The following SEH1L variants were observed in gnomAD, a reference collection of about 807,000 sequenced individuals.
The protein encoded by SEH1L is nucleoporin SEH1.
In SEH1L, 18 loss-of-function variants were observed where a neutral mutation model predicts 49.5. That is an observed-to-expected ratio of 0.36 (90% CI 0.25 to 0.54). The LOEUF (loss-of-function observed/expected upper bound fraction) is 0.54. Ranked by LOEUF, SEH1L falls within the 20% of genes least tolerant of loss-of-function variation. The probability of loss-of-function intolerance (pLI) is 0.87; values close to 1 mark genes in which losing one functional copy is unlikely to be tolerated. For synonymous variants in SEH1L, 169 were observed against 178.1 expected (o/e 0.95, Z 0.41); for missense variants, 404 against 528.8 (o/e 0.76, Z 2.31).
In SEH1L at chr18:12,986,771, C is replaced by T. The variant is rs1423017588; in HGVS notation, c.1071-91C>T. On this transcript the variant is annotated intron_variant, in intron 8 of 8. Transcript: ENST00000399892. The stretch of plus-strand genomic sequence containing the variant: ...CATGTGTTTTCTCCTCTTTGGTTCT[C>T]TTTGTATTTACTACTTTTCTCTTTT... 7.7e-5 allele frequency: 91 copies of T among 1,187,724 alleles called. No individual in the cohort carries two copies. In the African/African-American group the frequency reaches 1.3e-3, roughly 17 times the overall value. 73.6% of individuals were successfully genotyped at this position (1,187,724 alleles called of 1,614,324 possible). A position where few individuals can be genotyped will look rare whatever the true frequency, so the allele number is the denominator to read the frequency against.
At chr18:12,974,911 T>C (rs1237097447) in intron 5 of SEH1L, among the ~76,000 whole-genome samples, 1 of 152,244 alleles carries the variant, frequency 6.6e-6, no homozygotes, top group African/African-American at 2.4e-5. Context: ...GTTCATTCTC[T>C]TTATTTACAC....
chr18:12,949,676 A>G (rs1211196481), intron 1 of SEH1L, among the ~76,000 whole-genome samples: 3 of 151,932 alleles, frequency 2.0e-5, no homozygotes, highest in Admixed American at 6.6e-5. Flanking sequence ...GATGGTCTCT[A>G]TCTCCTGACC....
intron 4 of SEH1L, among the ~76,000 whole-genome samples, chr18:12,966,432 G>A (rs2031457749): frequency 6.7e-6 from 1 of 148,606 alleles, no homozygotes; most frequent in Admixed American, 6.7e-5. Context: ...TTGTTTTCGA[G>A]ACACGTGTCA....
At chr18:12,981,034 G>GC (rs1251073763) in intron 6 of SEH1L, among the ~76,000 whole-genome samples, 6 of 151,274 alleles carry the variant, frequency 4.0e-5, no homozygotes, top group Non-Finnish European at 7.4e-5. Context: ...CGGTGTGGCT[G>GC]CCGGGCGGAG....
chr18:12,949,763 G>GT (rs999623786), intron 1 of SEH1L, among the ~76,000 whole-genome samples: 1 of 151,920 alleles, frequency 6.6e-6, no homozygotes, highest in African/African-American at 2.4e-5. Context: ...CACGTTAACC[G>GT]TTTTAAAGTG....
chr18:12,948,314 TC>T, intron 1 of SEH1L, 82 bp downstream of exon 1: 1 of 1,037,520 alleles, frequency 9.6e-7, no homozygotes. Context: ...CGGGGCTGTG[TC>T]TTGGTTCAGT....
chr18:12,975,571 C>T (rs1187616865), intron 5 of SEH1L, among the ~76,000 whole-genome samples: 3 of 151,460 alleles, frequency 2.0e-5, no homozygotes, highest in African/African-American at 4.9e-5. Context: ...GGGGTCGAGG[C>T]GGTGGGTGGG....
chr18:12,986,884 T>C lies in SEH1L; in HGVS notation c.1093T>C (p.Ser365Pro). ...AGRYFFTPLD[S>P]PRAGSRWSSY... ...CAGGTATTTCTTTACCCCTCTGGAT[T>C]CCCCACGGGCTGGATCGAGATGGTC... The change falls in exon 9 of 9, where the codon TCC becomes CCC. Residue 365 changes from serine to proline, a missense_variant. Coordinates refer to ENST00000399892, the MANE Select transcript of SEH1L (RefSeq NM_001013437.2). The C allele has an allele frequency of 1.2e-6, 2 of 1,600,934 alleles. No homozygotes were observed. Among genetic ancestry groups the C allele is most frequent in the Non-Finnish European group, 1.7e-6 (2 of 1,171,934 alleles).
Position 12,971,228 on chromosome 18 carries a change from T to A in SEH1L, c.597T>A (p.Ile199=), listed in dbSNP as rs548961767. The A allele has an allele frequency of 8.6e-5, 138 of 1,613,152 alleles. 3 individuals are homozygous for A. The South Asian group carries it at 1.5e-3, about 17-fold the overall frequency. Residue 199 remains isoleucine, a synonymous_variant, in exon 5 of 9, where the codon ATT becomes ATA. Transcript: ENST00000399892. ...CCAACGCAATGGCCAAGGTTCAGAT[T>A]TTTGAATATAATGAAAACACCAGGT... ...SSPNAMAKVQ[I]FEYNENTRKY...
chr18:12,975,026 C>T (rs1258476084), intron 5 of SEH1L, among the ~76,000 whole-genome samples: 1 of 150,992 alleles, frequency 6.6e-6, no homozygotes, highest in East Asian at 1.9e-4. Flanking sequence ...AAGTTTCACT[C>T]TTGTTGCCCA....
At chr18:12,975,667 C>T (rs2031889585) in intron 5 of SEH1L, 1 of 982,778 alleles carries the variant, frequency 1.0e-6, no homozygotes, top group African/African-American at 1.7e-5. Flanking sequence ...AGTCTGATCT[C>T]TATCCTGGCA....
At chr18:12,957,770 C>T (rs536772425) in intron 3 of SEH1L, among the ~76,000 whole-genome samples, 3 of 152,268 alleles carry the variant, frequency 2.0e-5, no homozygotes, top group South Asian at 2.1e-4. Flanking sequence ...CATGATACTA[C>T]GTTAGAGCCA....
At chr18:12,984,815 T>A (rs1374819089) in intron 8 of SEH1L, 1 of 155,556 alleles carries the variant, frequency 6.4e-6, no homozygotes, top group African/African-American at 2.4e-5. Flanking sequence ...TATTTTAATA[T>A]GCCTTTGTGA....
intron 8 of SEH1L, 63 bp from the exon 9 acceptor site, chr18:12,986,799 T>TTA (rs1262174505): frequency 8.2e-7 from 1 of 1,216,308 alleles, no homozygotes; most frequent in Non-Finnish European, 1.0e-6. Context: ...TCTCTTTTTC[T>TTA]TGTGTTTTTT....
In SEH1L at chr18:12,978,858, A is replaced by C. The variant is rs503063; in HGVS notation, c.727A>C (p.Lys243Gln). Reference protein sequence around the residue: ...RSFHILAIATKDVRIFTLKPV... With the variant: ...RSFHILAIATQDVRIFTLKPV... ...TTTCCATATTCTAGCAATAGCGACC[A>C]AAGATGTGAGAATTTTTACATTAAA... The change falls in exon 6 of 9, where the codon AAA (lysine) becomes CAA (glutamine). Residue 243 changes from lysine (K) to glutamine (Q), a missense_variant. Around this residue, in one of 3 missense-constraint regions of SEH1L, gnomAD observed 342 missense variants for 430.8 expected, o/e 0.79. Transcript: ENST00000399892. The C allele has an allele frequency of 6.2e-7, 1 of 1,614,084 alleles. No homozygotes were observed. The highest frequency in any genetic ancestry group is 2.2e-5 in the East Asian group (1 of 44,870).
At chr18:12,963,065 G>A (rs2031267955) in intron 3 of SEH1L, 95 bp from the exon 4 acceptor site, 1 of 832,882 alleles carries the variant, frequency 1.2e-6, no homozygotes, top group African/African-American at 1.7e-5. Context: ...GAATGATAGA[G>A]GAGTTTCTGT....
chr18:12,982,075 A>C (rs373480284), intron 6 of SEH1L, among the ~76,000 whole-genome samples: 1 of 152,102 alleles, frequency 6.6e-6, no homozygotes, highest in Admixed American at 6.6e-5. Context: ...CATGTTGGCC[A>C]GGCTGGTCTT....
chr18:12,965,756 G>C (rs2031421845), intron 4 of SEH1L, among the ~76,000 whole-genome samples: 1 of 152,122 alleles, frequency 6.6e-6, no homozygotes. Flanking sequence ...CATTTTTTAT[G>C]ATGGATTTTG....
intron 5 of SEH1L, chr18:12,971,828 G>A (rs2031717253): frequency 6.6e-6 from 1 of 152,344 alleles, no homozygotes; most frequent in Admixed American, 6.5e-5. Context: ...CCTATAGGGT[G>A]AGTAGAAGTT....
Sources: allele counts gnomAD v4.1 joint callset (sites outside exome capture counted in the v4.1 genomes callset), GRCh38; gene constraint gnomAD v4.1.1; regional missense constraint gnomAD v4.1.1; transcripts MANE v1.5; gene names NCBI Gene and HGNC (gene_info 2026-07-23, HGNC 2026-07-21).